The following MFSD8 variants were observed in gnomAD, a reference collection of about 807,000 sequenced individuals.
The protein encoded by MFSD8 is major facilitator superfamily domain-containing protein 8.
Under a neutral mutation model 66.4 loss-of-function variants are expected in MFSD8, and 55 were observed. The ratio of observed to expected loss-of-function variants is 0.83; its 90% CI spans 0.67 to 1.04. MFSD8 has a LOEUF of 1.04. MFSD8 is among the 50% of genes least tolerant of loss of function. The probability of loss-of-function intolerance (pLI) is 0.00; values close to 1 mark genes in which losing one functional copy is unlikely to be tolerated. For synonymous variants in MFSD8, 202 were observed against 212.8 expected (o/e 0.95, Z 0.44); for missense variants, 550 against 627.6 (o/e 0.88, Z 1.32).
chr4:127,935,737 C>T (rs558545855), intron 7 of MFSD8, among the ~76,000 whole-genome samples: 5 of 152,272 alleles, frequency 3.3e-5, no homozygotes, highest in Non-Finnish European at 1.5e-5. Flanking sequence ...TTTATCTATG[C>T]TAATACAGTG....
In MFSD8 at chr4:127,921,657, G is replaced by T. The variant is rs1736353239; in HGVS notation, c.1217C>A (p.Ala406Asp). 6.2e-7 allele frequency: 1 copy of T among 1,614,026 alleles called. No individual in the cohort carries two copies. The highest frequency in any genetic ancestry group is 8.5e-7 in the Non-Finnish European group (1 of 1,180,024). The stretch of plus-strand genomic sequence containing the variant: ...AATCACCGGGGTGTAGAGGCACCAG[G>T]CTTGTTCAATCGAGCAACCAGTTGG... The part of the protein sequence containing the change: ...ERPTGCSIEQ[A>D]WCLYTPVIHL... Residue 406 changes from alanine (A) to aspartate (D), a missense_variant, in exon 11 of 12, where the codon GCC becomes GAC. By Grantham distance (126) the Ala-to-Asp change is moderately radical (BLOSUM62 -2). Coordinates refer to ENST00000641686, the MANE Select transcript of MFSD8 (RefSeq NM_001371596.2).
chr4:127,943,640 T>G (rs1432534115), intron 4 of MFSD8, 112 bp downstream of exon 4: 1 of 1,290,262 alleles, frequency 7.8e-7, no homozygotes, highest in African/African-American at 1.5e-5. Flanking sequence ...GAAACATGTA[T>G]GTTGAACTGT....
chr4:127,941,471 A>AT (rs930680406), intron 5 of MFSD8, among the ~76,000 whole-genome samples: 2 of 151,790 alleles, frequency 1.3e-5, no homozygotes, highest in South Asian at 2.1e-4. Context: ...AATCTCATTA[A>AT]TTTTTTTTGA....
intron 9 of MFSD8, among the ~76,000 whole-genome samples, chr4:127,924,354 C>T (rs1736852426): frequency 6.6e-6 from 1 of 151,878 alleles, no homozygotes; most frequent in African/African-American, 2.4e-5. Flanking sequence ...ACCAGTGGTG[C>T]CCAAAATCTC....
At chr4:127,938,021 A>G (rs1196127299) in intron 7 of MFSD8, among the ~76,000 whole-genome samples, 1 of 152,150 alleles carries the variant, frequency 6.6e-6, no homozygotes, top group Non-Finnish European at 1.5e-5. Flanking sequence ...TCTGGCTTAT[A>G]TGAATCAGAG....
rs749791052 is a variant in MFSD8, at chr4:127,921,905, T to C, written c.1057A>G (p.Ile353Val). 2 of 1,614,124 alleles carry C rather than the reference T, an allele frequency of 1.2e-6. No individual in the cohort carries two copies. The highest frequency in any genetic ancestry group is 2.2e-5 in the East Asian group (1 of 44,884). The change falls in exon 10 of 12, where the codon ATC (isoleucine) becomes GTC (valine). Residue 353 changes from isoleucine to valine, a missense_variant. Transcript: ENST00000641686. ...GLIVVWVGFF[I>V]LLPWGNQFPK... is the part of the protein sequence containing the mutation. ...AATTGATTTCCCCAAGGTAACAAGA[T>C]AAAGAAGCCAACCCATACAACGATG...
rs141894484 is a variant in MFSD8, at chr4:127,947,514, A to G, written c.198+2290T>C. 2.7e-3 allele frequency among the ~76,000 whole-genome samples: 401 copies of G among 148,860 alleles called. 4 individuals are homozygous for G. The highest frequency in any genetic ancestry group is 9.3e-3 in the African/African-American group (378 of 40,526). On this transcript the variant is annotated intron_variant, in intron 3 of 11. Coordinates refer to ENST00000641686, the MANE Select transcript of MFSD8 (RefSeq NM_001371596.2). ...AATCGCTTGAACCCTTAAGGCAGAGATTGCAGCGCACCAAGATCACGCCAC... is the reference window on the plus strand; with the variant it reads ...AATCGCTTGAACCCTTAAGGCAGAGGTTGCAGCGCACCAAGATCACGCCAC...
In MFSD8 at chr4:127,941,026, T is replaced by G. The variant is rs538897536; in HGVS notation, c.553+1019A>C. Among the ~76,000 whole-genome samples the G allele has an allele frequency of 3.0e-3, 454 of 152,276 alleles. 4 individuals are homozygous for G. Among genetic ancestry groups the G allele is most frequent in the African/African-American group, 0.011 (437 of 41,570 alleles). On this transcript the variant is annotated intron_variant, in intron 5 of 11. Coordinates refer to ENST00000641686, the MANE Select transcript of MFSD8 (RefSeq NM_001371596.2). ...CATAATCTTTAAAATGCTTTTAAGG[T>G]GGTAAAAAATATTTACTAAGAACAT...
chr4:127,925,851 A>G (rs904410175), intron 9 of MFSD8, among the ~76,000 whole-genome samples: 10 of 152,230 alleles, frequency 6.6e-5, no homozygotes, highest in South Asian at 2.1e-4. Flanking sequence ...AATGCCCATC[A>G]ATGACAGACT....
At chr4:127,928,443 G>A (rs1737577742) in intron 9 of MFSD8, among the ~76,000 whole-genome samples, 1 of 151,894 alleles carries the variant, frequency 6.6e-6, no homozygotes, top group Admixed American at 6.6e-5. Context: ...TTTAAACAGT[G>A]AATAGACATT....
intron 9 of MFSD8, among the ~76,000 whole-genome samples, chr4:127,924,547 CT>C: frequency 6.6e-6 from 1 of 152,190 alleles, no homozygotes; most frequent in South Asian, 2.1e-4. Context: ...TGTGAAGGAC[CT>C]CTTCAAGGAG....
At chr4:127,955,539 CAAAAAA>C (rs34570244) in intron 2 of MFSD8, among the ~76,000 whole-genome samples, 1 of 102,620 alleles carries the variant, frequency 9.7e-6, no homozygotes. Context: ...GACTTTGTCT[CAAAAAA>C]AAAAAAAAAA....
intron 7 of MFSD8, among the ~76,000 whole-genome samples, chr4:127,936,258 C>T (rs973452753): frequency 9.2e-5 from 14 of 152,070 alleles, no homozygotes; most frequent in African/African-American, 2.9e-4. Flanking sequence ...GGATTACAGG[C>T]GCCTGCCATC....
intron 3 of MFSD8, among the ~76,000 whole-genome samples, chr4:127,948,826 A>G (rs1741487781): frequency 6.6e-6 from 1 of 152,218 alleles, no homozygotes; most frequent in Non-Finnish European, 1.5e-5. Flanking sequence ...GAGAGTCCCC[A>G]CCAGCAAGAA....
chr4:127,918,080 T>C lies in MFSD8; in HGVS notation c.*2550A>G, dbSNP rs1417204525. The C allele has an allele frequency of 6.6e-6, 1 of 152,254 alleles. No homozygotes were observed. The highest frequency in any genetic ancestry group is 1.5e-5 in the Non-Finnish European group (1 of 68,040). The allele number at this position is 152,254 out of a possible 1,614,324, so 9.4% of individuals were successfully genotyped here. A position where few individuals can be genotyped will look rare whatever the true frequency, so the allele number is the denominator to read the frequency against. ...AACAAGATAGAATGGAGATGCTTTGTGAAGTTATAAATCCCTTCAAAATAT... is the reference window on the plus strand; with the variant it reads ...AACAAGATAGAATGGAGATGCTTTGCGAAGTTATAAATCCCTTCAAAATAT... On this transcript the variant is annotated 3_prime_UTR_variant, in exon 12 of 12. Coordinates refer to ENST00000641686, the MANE Select transcript of MFSD8 (RefSeq NM_001371596.2).
In MFSD8 at chr4:127,921,612, G is replaced by A. The variant is rs765587961; in HGVS notation, c.1262C>T (p.Thr421Ile). Residue 421 changes from threonine to isoleucine, a missense_variant, in exon 11 of 12, where the codon ACA becomes ATA. Transcript: ENST00000641686. ...TPVIHLAQFLTSAVLIGLGYP... is the reference protein window; with the variant it reads ...TPVIHLAQFLISAVLIGLGYP... The stretch of plus-strand genomic sequence containing the variant: ...GCCTAATCCTATTAGCACAGCTGAT[G>A]TAAGGAACTGGGCCAGATGAATCAC... 6.8e-6 allele frequency: 11 copies of A among 1,614,094 alleles called. No homozygotes were observed. In the Admixed American group the frequency reaches 1.3e-4, roughly 20 times the overall value.
At chr4:127,951,472 GC>G (rs1487849834) in intron 2 of MFSD8, among the ~76,000 whole-genome samples, 1 of 151,954 alleles carries the variant, frequency 6.6e-6, no homozygotes, top group Non-Finnish European at 1.5e-5. Context: ...CAGGTGATCT[GC>G]CTGCCTTGCC....
rs200289957 is a variant in MFSD8 at position 127,965,029 on chromosome 4, C to A, written c.62+43G>T. The stretch of plus-strand genomic sequence containing the variant: ...ACGCCCGGAAAGGAACCAGTCCCAA[C>A]AGCGCAGGAGACTGAGGGGTCCCTC... On this transcript the variant is annotated intron_variant, in intron 1 of 11. Coordinates refer to ENST00000641686, the MANE Select transcript of MFSD8 (RefSeq NM_001371596.2). The A allele has an allele frequency of 2.5e-5, 40 of 1,605,592 alleles. No individual in the cohort carries two copies. The African/African-American group carries it at 4.3e-4, about 17-fold the overall frequency.
In MFSD8 at chr4:127,921,594, C is replaced by T. The variant is rs760640742; in HGVS notation, c.1280G>A (p.Gly427Glu). The T allele has an allele frequency of 2.5e-6, 4 of 1,614,160 alleles. No individual in the cohort carries two copies. In the South Asian group the frequency reaches 4.4e-5, roughly 18 times the overall value. ...AQFLTSAVLI[G>E]LGYPVCNLMS... ...AAGATTGCAGACTGGATAGCCTAATCCTATTAGCACAGCTGATGTAAGGAA... is the reference window on the plus strand; with the variant it reads ...AAGATTGCAGACTGGATAGCCTAATTCTATTAGCACAGCTGATGTAAGGAA... Residue 427 changes from glycine (G) to glutamate (E), a missense_variant, in exon 11 of 12, where the codon GGA becomes GAA. By Grantham distance (98) the Gly-to-Glu change is moderately conservative. Transcript: ENST00000641686.
Sources: allele counts gnomAD v4.1 joint callset (sites outside exome capture counted in the v4.1 genomes callset), GRCh38; gene constraint gnomAD v4.1.1; transcripts MANE v1.5; gene names NCBI Gene and HGNC (gene_info 2026-07-23, HGNC 2026-07-21).